Variants in DCC observed in about 807,000 individuals in gnomAD.
The protein encoded by DCC is DCC netrin 1 receptor.
DCC carries 58 observed loss-of-function variants against 172.5 expected under a neutral mutation model. The ratio of observed to expected loss-of-function variants is 0.34; its 90% CI spans 0.27 to 0.42. The LOEUF (loss-of-function observed/expected upper bound fraction) is 0.42, where lower values mean the gene tolerates loss of function less well. DCC is among the 10% of genes least tolerant of loss of function. The probability of loss-of-function intolerance (pLI) is 1.00; values close to 1 mark genes in which losing one functional copy is unlikely to be tolerated. For missense variants in DCC, 1,740 were observed against 1,791.0 expected (o/e 0.97, Z 0.51); for synonymous variants, 709 against 644.5 (o/e 1.10, Z -1.52).
chr18:53,021,455 G>T (rs1305723101), intron 5 of DCC, among the ~76,000 whole-genome samples: 4 of 152,122 alleles, frequency 2.6e-5, no homozygotes, highest in Non-Finnish European at 4.4e-5. Context: ...AGTCAAGTGA[G>T]GGTGACAGGC....
At chr18:52,403,692 C>T (rs1598789629) in intron 1 of DCC, among the ~76,000 whole-genome samples, 1 of 152,024 alleles carries the variant, frequency 6.6e-6, no homozygotes, top group South Asian at 2.1e-4. Context: ...GGAGGCAATG[C>T]CTTAGTGCCT....
At chr18:53,071,040 C>T (rs1599096415) in intron 7 of DCC, among the ~76,000 whole-genome samples, 1 of 152,308 alleles carries the variant, frequency 6.6e-6, no homozygotes, top group South Asian at 2.1e-4. Flanking sequence ...GTGCATTACC[C>T]AGCTGTTCAG....
At chr18:52,781,711 C>G (rs913702289) in intron 2 of DCC, among the ~76,000 whole-genome samples, 2 of 152,076 alleles carry the variant, frequency 1.3e-5, no homozygotes, top group African/African-American at 2.4e-5. Flanking sequence ...TAATAAACAG[C>G]TATAGAGATC....
intron 1 of DCC, among the ~76,000 whole-genome samples, chr18:52,732,679 G>A (rs767121646): frequency 9.9e-5 from 15 of 152,158 alleles, no homozygotes; most frequent in Non-Finnish European, 1.2e-4. Context: ...CAGAAATGGA[G>A]ATTGAAGTCC....
intron 21 of DCC, among the ~76,000 whole-genome samples, chr18:53,417,477 T>C (rs750595689): frequency 6.6e-6 from 1 of 152,206 alleles, no homozygotes; most frequent in Non-Finnish European, 1.5e-5. Flanking sequence ...TGAGTAATTA[T>C]CACTTGGCAT....
chr18:53,382,440 C>T (rs2144985059), intron 15 of DCC, among the ~76,000 whole-genome samples: 1 of 152,160 alleles, frequency 6.6e-6, no homozygotes, highest in African/African-American at 2.4e-5. Context: ...GCTTCTTAGT[C>T]CTACCCTTAT....
rs2037488460 is a variant in DCC at position 52,779,233 on chromosome 18, C to A, written c.412+26859C>A. On this transcript the variant is annotated intron_variant, in intron 2 of 28. Coordinates refer to ENST00000442544, the MANE Select transcript of DCC (RefSeq NM_005215.4). The stretch of plus-strand genomic sequence containing the variant: ...GGTTTGTTACATAGGTACACACGTG[C>A]CATGGTGGCTTGCTGCACCCATCAT... 1.3e-5 allele frequency among the ~76,000 whole-genome samples: 2 copies of A among 152,082 alleles called. 1 individual carries two copies. Among genetic ancestry groups the A allele is most frequent in the South Asian group, 4.1e-4 (2 of 4,832 alleles).
chr18:53,340,349 T>C (rs2057644484), intron 15 of DCC, among the ~76,000 whole-genome samples: 1 of 152,200 alleles, frequency 6.6e-6, no homozygotes, highest in Non-Finnish European at 1.5e-5. Flanking sequence ...CCTTGAAATA[T>C]CTAGTCATAG....
chr18:53,426,364 ATATT>A (rs1021331939), intron 21 of DCC, among the ~76,000 whole-genome samples: 4 of 144,356 alleles, frequency 2.8e-5, no homozygotes, highest in Non-Finnish European at 4.5e-5. Flanking sequence ...TTTATGATAT[ATATT>A]TATACTATGT....
chr18:52,844,524 C>T (rs921105992), intron 2 of DCC, among the ~76,000 whole-genome samples: 2 of 152,280 alleles, frequency 1.3e-5, no homozygotes, highest in East Asian at 3.9e-4. Flanking sequence ...AAGGAGTTTG[C>T]AACCATTTCC....
intron 2 of DCC, among the ~76,000 whole-genome samples, chr18:52,784,082 C>T (rs1356565258): frequency 6.6e-6 from 1 of 151,992 alleles, no homozygotes; most frequent in Non-Finnish European, 1.5e-5. Context: ...CTTCATCCTC[C>T]TCCTCCACCC....
At chr18:52,810,976 G>A (rs2038186532) in intron 2 of DCC, among the ~76,000 whole-genome samples, 1 of 152,126 alleles carries the variant, frequency 6.6e-6, no homozygotes. Context: ...ATGTGGATGG[G>A]CAACTGGAAA....
intron 9 of DCC, among the ~76,000 whole-genome samples, chr18:53,183,883 C>A (rs897562402): frequency 6.6e-6 from 1 of 151,772 alleles, no homozygotes; most frequent in African/African-American, 2.4e-5. Context: ...TGTCAATCAT[C>A]GAGACCTCAG....
chr18:52,948,391 G>A (rs2040583442), intron 5 of DCC, among the ~76,000 whole-genome samples: 1 of 151,984 alleles, frequency 6.6e-6, no homozygotes, highest in South Asian at 2.1e-4. Flanking sequence ...CATTATGAAT[G>A]ATATTGAACA....
At position 53,433,583 on chromosome 18, in the gene DCC, T is replaced by G. The variant is rs138459653; in HGVS notation, c.3164-1561T>G. 8.2e-4 allele frequency among the ~76,000 whole-genome samples: 125 copies of G among 152,296 alleles called. No individual in the cohort carries two copies. In the East Asian group the frequency reaches 0.022, roughly 27 times the overall value. On this transcript the variant is annotated intron_variant, in intron 21 of 28. Coordinates refer to ENST00000442544, the MANE Select transcript of DCC (RefSeq NM_005215.4). ...TTAATATTTATGTAGAGCTTCCACC[T>G]CACATCAGCCAACGTTGATCTCACG...
chr18:52,472,029 G>C (rs1398452919), intron 1 of DCC, among the ~76,000 whole-genome samples: 1 of 152,172 alleles, frequency 6.6e-6, no homozygotes, highest in Non-Finnish European at 1.5e-5. Context: ...GTTGCACCGA[G>C]TGGGGTTACA....
chr18:52,452,727 C>G (rs1490394583), intron 1 of DCC, among the ~76,000 whole-genome samples: 1 of 152,162 alleles, frequency 6.6e-6, no homozygotes, highest in East Asian at 1.9e-4. Context: ...ATGTGTCACC[C>G]ATTTACACAC....
At chr18:52,856,938 T>G (rs2039065718) in intron 2 of DCC, among the ~76,000 whole-genome samples, 1 of 152,206 alleles carries the variant, frequency 6.6e-6, no homozygotes, top group African/African-American at 2.4e-5. Flanking sequence ...CCAGTGCTCC[T>G]TGACAATTCT....
At chr18:52,923,664 A>T (rs199878484) in intron 3 of DCC, 43 bp from the exon 4 acceptor site, 2 of 1,437,516 alleles carry the variant, frequency 1.4e-6, no homozygotes, top group South Asian at 2.3e-5. Flanking sequence ...TATCTTTGCA[A>T]TGTTTTTCAT....
Sources: allele counts gnomAD v4.1 joint callset (sites outside exome capture counted in the v4.1 genomes callset), GRCh38; gene constraint gnomAD v4.1.1; transcripts MANE v1.5; gene names NCBI Gene and HGNC (gene_info 2026-07-23, HGNC 2026-07-21).